RNF130: variants seen among roughly 807,000 people sequenced by gnomAD.
RNF130 encodes the protein E3 ubiquitin-protein ligase RNF130.
In RNF130, 21 loss-of-function variants were observed where a neutral mutation model predicts 44.6. The observed-to-expected ratio is 0.47, with a 90% CI of 0.33 to 0.68. RNF130 has a LOEUF of 0.68. Among genes scored for constraint, RNF130 ranks in the 30% least tolerant of loss-of-function variants. The pLI, the probability that RNF130 is intolerant of heterozygous loss-of-function variation, is 0.02. For missense variants in RNF130, 479 were observed against 560.6 expected (o/e 0.85, Z 1.47); for synonymous variants, 214 against 210.4 (o/e 1.02, Z -0.15).
rs892439686 is a variant in RNF130 at position 179,947,433 on chromosome 5, A to T, written c.1150+19373T>A. On this transcript the variant is annotated intron_variant, in intron 7 of 7. Coordinates refer to the RNF130 transcript ENST00000522208. ...TATCATGCTCTGCACACTAGGGGCC[A>T]CTGGTCAGGACACCCCACAGCCTGC... 2.0e-5 allele frequency among the ~76,000 whole-genome samples: 3 copies of T among 152,170 alleles called. No homozygotes were observed. The East Asian group carries it at 5.8e-4, about 29-fold the overall frequency.
intron 3 of RNF130, among the ~76,000 whole-genome samples, chr5:180,004,038 A>G (rs1201825785): frequency 2.0e-5 from 3 of 152,236 alleles, no homozygotes; most frequent in African/African-American, 7.2e-5. Context: ...TTTACAGAAG[A>G]GGAGATTGAG....
At chr5:180,005,883 C>T (rs1467275526) in intron 3 of RNF130, among the ~76,000 whole-genome samples, 2 of 152,110 alleles carry the variant, frequency 1.3e-5, no homozygotes, top group African/African-American at 4.8e-5. Flanking sequence ...CCATGCTAAA[C>T]CCCAAGGATA....
Position 179,955,205 on chromosome 5 carries a change from G to A in RNF130, c.*449C>T, listed in dbSNP as rs1762186705. On this transcript the variant is annotated 3_prime_UTR_variant, in exon 9 of 9. Coordinates refer to ENST00000521389, the MANE Select transcript of RNF130 (RefSeq NM_018434.6). ...CTGGTGGAGGCTGATCAACCACAGA[G>A]AAGAAATTATCACAGAGTGAATGTC... 1 of 154,416 alleles carries A rather than the reference G, an allele frequency of 6.5e-6. No individual in the cohort carries two copies. Among genetic ancestry groups the A allele is most frequent in the Non-Finnish European group, 1.4e-5 (1 of 69,698 alleles). 9.6% of individuals were successfully genotyped at this position (154,416 alleles called of 1,614,324 possible). A position where few individuals can be genotyped will look rare whatever the true frequency, so the allele number is the denominator to read the frequency against.
intron 2 of RNF130, among the ~76,000 whole-genome samples, chr5:180,030,958 A>T (rs1317163549): frequency 4.6e-5 from 7 of 152,172 alleles, no homozygotes; most frequent in African/African-American, 1.4e-4. Flanking sequence ...AAATAACAAG[A>T]CCAACCGTCC....
intron 7 of RNF130, among the ~76,000 whole-genome samples, chr5:179,946,727 T>A (rs1189385377): frequency 2.0e-5 from 3 of 152,044 alleles, no homozygotes; most frequent in African/African-American, 7.2e-5. Flanking sequence ...CTAATTTTTT[T>A]GTATTTTTAG....
At chr5:179,933,545 C>T (rs1321699901) in intron 7 of RNF130, among the ~76,000 whole-genome samples, 4 of 149,444 alleles carry the variant, frequency 2.7e-5, no homozygotes, top group African/African-American at 9.9e-5. Context: ...TTTTTTGAGA[C>T]ATGATCTCCT....
chr5:179,931,203 C>T (rs1001832359), intron 7 of RNF130, among the ~76,000 whole-genome samples: 1 of 152,118 alleles, frequency 6.6e-6, no homozygotes, highest in African/African-American at 2.4e-5. Flanking sequence ...AAGTACCGCA[C>T]ATCTGAACTG....
At chr5:179,952,707 C>G (rs73342292), downstream of RNF130, among the ~76,000 whole-genome samples, 2,932 of 152,226 alleles carry the variant, frequency 0.019, 97 homozygotes, top group African/African-American at 0.067. Flanking sequence ...TGTAATGCAC[C>G]ACATTCATAG....
intron 3 of RNF130, among the ~76,000 whole-genome samples, chr5:179,994,912 G>C (rs975122566): frequency 6.6e-6 from 1 of 152,162 alleles, no homozygotes; most frequent in East Asian, 1.9e-4. Flanking sequence ...CCACGCAATG[G>C]GTTGGGCCAG....
chr5:179,963,727 GAGA>G, intron 7 of RNF130, 163 bp from the exon 8 acceptor site: 1 of 626,328 alleles, frequency 1.6e-6, no homozygotes, highest in East Asian at 2.8e-5. Context: ...CTACTAACTG[GAGA>G]AGGTTAGTGG....
chr5:179,967,049 A>G (rs1477216707), intron 6 of RNF130, 39 bp from the exon 7 acceptor site: 1 of 1,533,010 alleles, frequency 6.5e-7, no homozygotes, highest in African/African-American at 1.4e-5. Flanking sequence ...TTGTAAGGAA[A>G]ACACAACCTT....
At chr5:180,048,006 T>TC (rs1435787498) in intron 1 of RNF130, among the ~76,000 whole-genome samples, 1 of 151,732 alleles carries the variant, frequency 6.6e-6, no homozygotes, top group Non-Finnish European at 1.5e-5. Context: ...GCACACTTTT[T>TC]TTTTTTTTAT....
chr5:180,007,407 C>T (rs1441441593), intron 3 of RNF130, among the ~76,000 whole-genome samples: 6 of 152,050 alleles, frequency 3.9e-5, no homozygotes, highest in Admixed American at 3.9e-4. Context: ...TCTCAAAAAA[C>T]AAAAACAAAA....
At chr5:179,983,333 CTTTTT>C (rs35802224) in intron 3 of RNF130, among the ~76,000 whole-genome samples, 33 of 108,380 alleles carry the variant, frequency 3.0e-4, no homozygotes, top group African/African-American at 1.1e-3. Context: ...TACAGATGAA[CTTTTT>C]TTTTTTTTTT....
intron 6 of RNF130, among the ~76,000 whole-genome samples, chr5:179,968,024 G>A (rs1006991154): frequency 6.6e-6 from 1 of 152,202 alleles, no homozygotes; most frequent in African/African-American, 2.4e-5. Flanking sequence ...GGCTGGGCGC[G>A]GTGGCTCACG....
chr5:179,941,281 C>T (rs1282488715), intron 7 of RNF130, among the ~76,000 whole-genome samples: 4 of 152,190 alleles, frequency 2.6e-5, no homozygotes, highest in Non-Finnish European at 4.4e-5. Context: ...TGATGGTGAC[C>T]TTTCTCTAGA....
rs74716751 is a variant in RNF130, at chr5:179,973,589, C to T, written c.849-3083G>A. ...GCTGAGCACCTGCAGGGCCATCACACGGGCAGAGCGGCCCCGCCACCTGGC... is the reference window on the plus strand; with the variant it reads ...GCTGAGCACCTGCAGGGCCATCACATGGGCAGAGCGGCCCCGCCACCTGGC... On this transcript the variant is annotated intron_variant, in intron 5 of 8. Coordinates refer to ENST00000521389, the MANE Select transcript of RNF130 (RefSeq NM_018434.6). Among the ~76,000 whole-genome samples the T allele has an allele frequency of 1.4e-4, 22 of 152,312 alleles. No individual in the cohort carries two copies. In the East Asian group the frequency reaches 2.5e-3, roughly 17 times the overall value.
intron 3 of RNF130, among the ~76,000 whole-genome samples, chr5:180,000,695 GT>G (rs1763314314): frequency 6.6e-6 from 1 of 151,920 alleles, no homozygotes; most frequent in Admixed American, 6.6e-5. Context: ...TCCACTGTAT[GT>G]TTTTTCATTC....
At chr5:180,003,747 C>T (rs1186945153) in intron 3 of RNF130, among the ~76,000 whole-genome samples, 2 of 152,136 alleles carry the variant, frequency 1.3e-5, no homozygotes, top group African/African-American at 4.8e-5. Flanking sequence ...CAAGTACCTA[C>T]GATGAGGTAC....
Sources: gnomAD v4.1 joint callset for allele counts (sites outside exome capture counted in the v4.1 genomes callset) on GRCh38, gnomAD v4.1.1 for gene constraint, MANE v1.5 for transcripts, NCBI Gene and HGNC (gene_info 2026-07-23, HGNC 2026-07-21) for gene names.